Variants in CDK19 observed in about 807,000 individuals in gnomAD.
CDK19 encodes the protein cyclin dependent kinase 19.
Under a neutral mutation model 68.3 loss-of-function variants are expected in CDK19, and 20 were observed. The ratio of observed to expected loss-of-function variants is 0.29; its 90% confidence interval spans 0.21 to 0.43. The LOEUF (loss-of-function observed/expected upper bound fraction) is 0.43. Ranked by LOEUF, CDK19 falls within the 20% of genes least tolerant of loss-of-function variation. The pLI, the probability that CDK19 is intolerant of heterozygous loss-of-function variation, is 1.00. For missense variants in CDK19, 339 were observed against 623.5 expected, an observed-to-expected ratio of 0.54 and a Z score of 4.86; for synonymous variants, 221 against 222.8, an observed-to-expected ratio of 0.99 and a Z score of 0.07.
intron 6 of CDK19, among the ~76,000 whole-genome samples, chr6:110,627,877 A>G (rs1042463220): frequency 6.6e-6 from 1 of 152,186 alleles, no homozygotes; most frequent in Admixed American, 6.5e-5. Flanking sequence ...AGTAGAATTT[A>G]TAAGTTTTGA....
intron 1 of CDK19, among the ~76,000 whole-genome samples, chr6:110,805,062 T>C (rs1782587745): frequency 6.6e-6 from 1 of 152,210 alleles, no homozygotes; most frequent in Non-Finnish European, 1.5e-5. Context: ...AAATAACTAC[T>C]GCTGCACACT....
chr6:110,646,412 G>T, intron 4 of CDK19: 2 of 1,490,108 alleles, frequency 1.3e-6, no homozygotes, highest in Non-Finnish European at 1.8e-6. Flanking sequence ...GGCGGGCGGC[G>T]ACATGGCCTT....
chr6:110,633,556 T>G (rs942069275), intron 5 of CDK19, among the ~76,000 whole-genome samples: 3 of 152,160 alleles, frequency 2.0e-5, no homozygotes, highest in Non-Finnish European at 4.4e-5. Flanking sequence ...TTGTTATAAT[T>G]CGGCATTTAA....
At chr6:110,668,832 CAA>C (rs530527732) in intron 3 of CDK19, among the ~76,000 whole-genome samples, 20 of 79,872 alleles carry the variant, frequency 2.5e-4, no homozygotes, top group Admixed American at 8.1e-4. Flanking sequence ...AACTCCGTTT[CAA>C]AAAAAAAAAA....
chr6:110,728,748 G>A (rs1776532555), intron 2 of CDK19, among the ~76,000 whole-genome samples: 1 of 152,064 alleles, frequency 6.6e-6, no homozygotes, highest in South Asian at 2.1e-4. Flanking sequence ...CTCAAATGTG[G>A]CATGCTGCGT....
intron 4 of CDK19, chr6:110,645,971 G>A (rs1436238377): frequency 2.6e-6 from 3 of 1,165,782 alleles, no homozygotes; most frequent in Non-Finnish European, 1.2e-6. Context: ...TCTACAACGA[G>A]CACATGCAGC....
intron 4 of CDK19, among the ~76,000 whole-genome samples, chr6:110,639,813 T>C (rs1780016951): frequency 6.6e-6 from 1 of 152,168 alleles, no homozygotes; most frequent in African/African-American, 2.4e-5. Context: ...TGGTGTCCAT[T>C]AGACGGATAT....
intron 1 of CDK19, among the ~76,000 whole-genome samples, chr6:110,748,218 T>C (rs1778211502): frequency 6.6e-6 from 1 of 152,200 alleles, no homozygotes; most frequent in Non-Finnish European, 1.5e-5. Context: ...TAGGTTATAG[T>C]TGCTATGGAA....
intron 2 of CDK19, among the ~76,000 whole-genome samples, chr6:110,693,444 C>A (rs189336044): frequency 8.1e-4 from 124 of 152,318 alleles, no homozygotes; most frequent in African/African-American, 2.9e-3. Flanking sequence ...CGGTCTCCGG[C>A]AGGTGGGAAG....
intron 12 of CDK19, among the ~76,000 whole-genome samples, chr6:110,620,722 T>C (rs1778656270): frequency 6.6e-6 from 1 of 152,226 alleles, no homozygotes; most frequent in Admixed American, 6.5e-5. Context: ...AAAGAGCATA[T>C]CTTTCTAAAG....
At chr6:110,738,340 T>C (rs1340060648) in intron 2 of CDK19, among the ~76,000 whole-genome samples, 1 of 147,842 alleles carries the variant, frequency 6.8e-6, no homozygotes, top group East Asian at 2.0e-4. Context: ...TGAAACCCCA[T>C]CTCTGCTAAA....
Position 110,632,063 on chromosome 6 carries a change from A to G in CDK19, c.613T>C (p.Leu205=), listed in dbSNP as rs757615935. The G allele has an allele frequency of 2.5e-6, 4 of 1,613,358 alleles. No homozygotes were observed. The African/African-American group carries it at 5.3e-5, about 22-fold the overall frequency. The change falls in exon 6 of 13, where the codon TTG becomes CTG. Residue 205 remains leucine, a synonymous_variant. Transcript: ENST00000368911. ...TTTGTATAATGCCTTGCACCAAGCA[A>G]AAGTTCTGGAGCCCGATACCAAAAT... ...VTFWYRAPEL[L]LGARHYTKAI...
chr6:110,795,119 T>C (rs1002931820), intron 1 of CDK19, among the ~76,000 whole-genome samples: 4 of 152,096 alleles, frequency 2.6e-5, no homozygotes, highest in African/African-American at 9.7e-5. Context: ...TACAGGTGCA[T>C]GTCACCATGC....
intron 2 of CDK19, among the ~76,000 whole-genome samples, chr6:110,687,627 A>G (rs1010568079): frequency 1.3e-5 from 2 of 152,256 alleles, no homozygotes; most frequent in Non-Finnish European, 2.9e-5. Context: ...TCCACAATGA[A>G]GTAAATGATT....
chr6:110,744,454 G>A (rs1777927731), intron 2 of CDK19, among the ~76,000 whole-genome samples: 1 of 152,094 alleles, frequency 6.6e-6, no homozygotes, highest in African/African-American at 2.4e-5. Flanking sequence ...ATTGCTTGAG[G>A]CCAGGGGTTC....
chr6:110,770,139 G>A (rs1779905062), intron 1 of CDK19, among the ~76,000 whole-genome samples: 1 of 152,172 alleles, frequency 6.6e-6, no homozygotes, highest in African/African-American at 2.4e-5. Context: ...GTAAAATGGT[G>A]TGCTCCTGTG....
At chr6:110,650,345 T>TCCAGA in intron 4 of CDK19, among the ~76,000 whole-genome samples, 1 of 152,276 alleles carries the variant, frequency 6.6e-6, no homozygotes, top group Middle Eastern at 3.4e-3. Flanking sequence ...CTGGTAATCT[T>TCCAGA]CCACTTACTG....
At position 110,643,300 on chromosome 6, in the gene CDK19, G is replaced by A. The variant is rs1204583151; in HGVS notation, c.457-4594C>T. ...GCTATTTAAAAGAGGTCCACCTAAAGGTAAGAACCATAAAAGCTGAAAGTA... is the reference window on the plus strand; with the variant it reads ...GCTATTTAAAAGAGGTCCACCTAAAAGTAAGAACCATAAAAGCTGAAAGTA... On this transcript the variant is annotated intron_variant, in intron 4 of 12. Coordinates refer to ENST00000368911, the MANE Select transcript of CDK19 (RefSeq NM_015076.5). The A allele has an allele frequency of 5.4e-6, 4 of 742,520 alleles. No homozygotes were observed. The Admixed American group carries it at 1.0e-4, about 19-fold the overall frequency. The allele number at this position is 742,520 out of a possible 1,614,324, so 46.0% of individuals were successfully genotyped here.
intron 5 of CDK19, among the ~76,000 whole-genome samples, chr6:110,632,487 C>G (rs2114709478): frequency 6.6e-6 from 1 of 152,282 alleles, no homozygotes; most frequent in South Asian, 2.1e-4. Context: ...TCCCAGCACT[C>G]TGGGAGGCCG....
Sources: allele counts gnomAD v4.1 joint callset (sites outside exome capture counted in the v4.1 genomes callset), GRCh38; gene constraint gnomAD v4.1.1; transcripts MANE v1.5; gene names NCBI Gene and HGNC (gene_info 2026-07-23, HGNC 2026-07-21).